NDUFAF5: variants seen among roughly 807,000 people sequenced by gnomAD.
The protein encoded by NDUFAF5 is NADH:ubiquinone oxidoreductase complex assembly factor 5.
NDUFAF5 carries 34 observed loss-of-function variants against 48.9 expected under a neutral mutation model. The ratio of observed to expected loss-of-function variants is 0.70; its 90% CI spans 0.53 to 0.93. NDUFAF5 has a LOEUF of 0.93. NDUFAF5 is among the 40% of genes least tolerant of loss of function. The probability of loss-of-function intolerance (pLI) is 0.00; values close to 1 mark genes in which losing one functional copy is unlikely to be tolerated. For missense variants in NDUFAF5, 428 were observed against 427.5 expected (o/e 1.00, Z -0.01); for synonymous variants, 153 against 150.6 (o/e 1.02, Z -0.12).
At position 13,816,890 on chromosome 20, in the gene NDUFAF5, A is replaced by T. The variant is rs892875028; in HGVS notation, c.878A>T (p.Glu293Val). Residue 293 changes from glutamate to valine, a missense_variant, in exon 10 of 11, where the codon GAA becomes GTA. Coordinates refer to ENST00000378106, the MANE Select transcript of NDUFAF5 (RefSeq NM_024120.5). ...GTCTTTTTAGAAATGTACAGAAATG[A>T]AGATGGTTCAGTACCTGCTACATAC... ...AAVYREMYRN[E>V]DGSVPATYQI... 1.9e-6 allele frequency: 3 copies of T among 1,607,402 alleles called. No homozygotes were observed. In the African/African-American group the frequency reaches 4.0e-5, roughly 21 times the overall value.
intron 7 of NDUFAF5, 79 bp from the exon 8 acceptor site, chr20:13,808,760 GGTA>G: frequency 2.3e-6 from 2 of 853,250 alleles, no homozygotes; most frequent in South Asian, 2.8e-5. Context: ...GATTGGTCTG[GGTA>G]GTCTCTGCGG....
intron 8 of NDUFAF5, among the ~76,000 whole-genome samples, chr20:13,811,038 A>G (rs559914424): frequency 6.6e-6 from 1 of 152,184 alleles, no homozygotes; most frequent in Admixed American, 6.5e-5. Context: ...CGAAAATCGG[A>G]TAGTTGAATT....
chr20:13,791,604 T>C (rs1423766879), intron 3 of NDUFAF5, among the ~76,000 whole-genome samples: 1 of 152,172 alleles, frequency 6.6e-6, no homozygotes, highest in African/African-American at 2.4e-5. Context: ...AAGGTATCTT[T>C]TGATTGTTGA....
chr20:13,801,665 C>G lies in NDUFAF5; in HGVS notation c.699C>G (p.Gly233=). Residue 233 remains glycine (G), a synonymous_variant, in exon 7 of 11, where the codon GGC becomes GGG. Coordinates refer to ENST00000378106, the MANE Select transcript of NDUFAF5 (RefSeq NM_024120.5). ...NDLGHLLGRA[G]FNTLTVDTDE... is the part of the protein sequence containing the mutation. ...TGGGACATCTGCTTGGGAGAGCTGGCTTTAATACTCTGACTGTGGTAACTA... is the reference window on the plus strand; with the variant it reads ...TGGGACATCTGCTTGGGAGAGCTGGGTTTAATACTCTGACTGTGGTAACTA... 1 of 1,613,798 alleles carries G rather than the reference C, an allele frequency of 6.2e-7. No homozygotes were observed. The highest frequency in any genetic ancestry group is 8.5e-7 in the Non-Finnish European group (1 of 1,179,826).
intron 2 of NDUFAF5, among the ~76,000 whole-genome samples, chr20:13,788,120 G>A (rs1410174791): frequency 1.3e-5 from 2 of 152,112 alleles, no homozygotes; most frequent in Non-Finnish European, 2.9e-5. Context: ...TTCAGTAAAA[G>A]TTTAACTGTT....
Position 13,785,052 on chromosome 20 carries a change from T to TG in NDUFAF5, c.-13dup. 2 of 1,605,622 alleles carry TG rather than the reference T, an allele frequency of 1.2e-6. No individual in the cohort carries two copies. Among genetic ancestry groups the TG allele is most frequent in the Non-Finnish European group, 1.7e-6 (2 of 1,177,430 alleles). On this transcript the variant is annotated 5_prime_UTR_variant, in exon 1 of 11. Coordinates refer to ENST00000378106, the MANE Select transcript of NDUFAF5 (RefSeq NM_024120.5). ...CATGCGCACAAAAAGCGCCGGCAATTGGGGTCGCAGCTGGAGATGCTGCGG... is the reference window on the plus strand; with the variant it reads ...CATGCGCACAAAAAGCGCCGGCAATTGGGGGTCGCAGCTGGAGATGCTGCGG...
Position 13,818,443 on chromosome 20 carries a change from G to GT in NDUFAF5, c.*1247dup, listed in dbSNP as rs71188188. 23,766 of 289,738 alleles carry GT rather than the reference G, an allele frequency of 0.082. 444 individuals are homozygous for GT. Among genetic ancestry groups the GT allele is most frequent in the African/African-American group, 0.16 (6,618 of 42,604 alleles). The allele number at this position is 289,738 out of a possible 1,614,324, so 17.9% of individuals were successfully genotyped here. ...AGAATTTGGCGTTTTGTTTTTTGGG[G>GT]TTTTTTTTTTTTTTAGCTTAATTTT... On this transcript the variant is annotated 3_prime_UTR_variant, in exon 11 of 11. Coordinates refer to ENST00000378106, the MANE Select transcript of NDUFAF5 (RefSeq NM_024120.5).
chr20:13,814,643 C>G, intron 8 of NDUFAF5: 1 of 434,634 alleles, frequency 2.3e-6, no homozygotes, highest in South Asian at 2.0e-5. Context: ...AACAGTTAAC[C>G]TACTAGCCAG....
At chr20:13,809,727 G>A (rs1487812106) in intron 8 of NDUFAF5, among the ~76,000 whole-genome samples, 3 of 152,214 alleles carry the variant, frequency 2.0e-5, no homozygotes, top group Non-Finnish European at 4.4e-5. Flanking sequence ...AACTAGTCAC[G>A]AGATTAATTT....
intron 8 of NDUFAF5, among the ~76,000 whole-genome samples, chr20:13,811,976 C>T (rs1348079126): frequency 1.3e-5 from 2 of 152,162 alleles, no homozygotes; most frequent in Non-Finnish European, 2.9e-5. Flanking sequence ...AGTATCTAGT[C>T]TTTACTTACA....
At chr20:13,801,882 G>T in intron 7 of NDUFAF5, 199 bp downstream of exon 7, 2 of 522,880 alleles carry the variant, frequency 3.8e-6, no homozygotes, top group Admixed American at 3.5e-5. Flanking sequence ...AGGTAGGAAT[G>T]TATAATTTTT....
In NDUFAF5 at chr20:13,785,173, C is replaced by G. The variant is rs1253438412; in HGVS notation, c.105C>G (p.Pro35=). 6.2e-7 allele frequency: 1 copy of G among 1,613,912 alleles called. No individual in the cohort carries two copies. The highest frequency in any genetic ancestry group is 1.6e-4 in the Middle Eastern group (1 of 6,062). The change falls in exon 1 of 11, where the codon CCC becomes CCG. Residue 35 remains proline (P), a synonymous_variant. Transcript: ENST00000378106. Reference sequence around the variant, plus strand: ...GGGAAGTCACCTCTGGTGTCTCTCCCCGCGGTAGCACCTCGCCCAGAACCC... The same window carrying G: ...GGGAAGTCACCTCTGGTGTCTCTCCGCGCGGTAGCACCTCGCCCAGAACCC... The part of the protein sequence containing the change: ...GRREVTSGVS[P]RGSTSPRTLN...
intron 3 of NDUFAF5, among the ~76,000 whole-genome samples, chr20:13,790,343 C>CA (rs1421632501): frequency 6.6e-6 from 1 of 151,882 alleles, no homozygotes; most frequent in East Asian, 1.9e-4. Context: ...AACTCAACGC[C>CA]AAAAAACATT....
Position 13,798,377 on chromosome 20 carries a change from T to G in NDUFAF5, c.480-84T>G, listed in dbSNP as rs1366021936. 1.1e-5 allele frequency: 11 copies of G among 983,964 alleles called. No homozygotes were observed. The East Asian group carries it at 2.6e-4, about 24-fold the overall frequency. 61.0% of individuals were successfully genotyped at this position (983,964 alleles called of 1,614,324 possible). Reference sequence around the variant, plus strand: ...TTAAACTTCAAAATTAACACCTTTTTATGGGTTATCATTAACCTGGTGATA... The same window carrying G: ...TTAAACTTCAAAATTAACACCTTTTGATGGGTTATCATTAACCTGGTGATA... On this transcript the variant is annotated intron_variant, in intron 5 of 10. Coordinates refer to ENST00000378106, the MANE Select transcript of NDUFAF5 (RefSeq NM_024120.5).
At chr20:13,792,390 A>G (rs778982262) in intron 3 of NDUFAF5, among the ~76,000 whole-genome samples, 75 of 152,334 alleles carry the variant, frequency 4.9e-4, no homozygotes, top group Non-Finnish European at 9.3e-4. Flanking sequence ...GCTGTTGACA[A>G]TGCTGTGCTT....
chr20:13,789,339 A>G (rs929240229), intron 3 of NDUFAF5, among the ~76,000 whole-genome samples: 1 of 151,426 alleles, frequency 6.6e-6, no homozygotes, highest in Non-Finnish European at 1.5e-5. Flanking sequence ...TAATTTTTGT[A>G]TTTTTGGTAG....
intron 1 of NDUFAF5, among the ~76,000 whole-genome samples, chr20:13,785,522 C>A (rs1048280386): frequency 6.6e-6 from 1 of 152,162 alleles, no homozygotes; most frequent in African/African-American, 2.4e-5. Flanking sequence ...GCTGAAAGGA[C>A]CTTATAGAGG....
At chr20:13,810,142 C>T (rs1985660328) in intron 8 of NDUFAF5, among the ~76,000 whole-genome samples, 1 of 152,262 alleles carries the variant, frequency 6.6e-6, no homozygotes, top group East Asian at 1.9e-4. Context: ...AGGTGGCATT[C>T]AAAGCGTTTG....
At chr20:13,800,279 A>C (rs1159448606) in intron 6 of NDUFAF5, among the ~76,000 whole-genome samples, 1 of 152,240 alleles carries the variant, frequency 6.6e-6, no homozygotes, top group Non-Finnish European at 1.5e-5. Context: ...AGGAGGAGGA[A>C]GCAACACTAA....
Sources: allele counts gnomAD v4.1 joint callset (sites outside exome capture counted in the v4.1 genomes callset), GRCh38; gene constraint gnomAD v4.1.1; transcripts MANE v1.5; gene names NCBI Gene and HGNC (gene_info 2026-07-23, HGNC 2026-07-21).